The following PKIG variants were observed in gnomAD, a reference collection of about 807,000 sequenced individuals.
PKIG encodes cAMP-dependent protein kinase inhibitor gamma, also known as protein kinase (cAMP-dependent, catalytic) inhibitor gamma.
A neutral mutation model predicts 6.8 loss-of-function variants in PKIG; 1 was observed. That is an observed-to-expected ratio of 0.15 (90% CI 0.05 to 0.69). The LOEUF (loss-of-function observed/expected upper bound fraction) is 0.69. Ranked by LOEUF, PKIG falls within the 30% of genes least tolerant of loss-of-function variation. PKIG has a pLI of 0.82. For synonymous variants in PKIG, 39 were observed against 43.0 expected, an observed-to-expected ratio of 0.91 and a Z score of 0.36; for missense variants, 77 against 104.0, an observed-to-expected ratio of 0.74 and a Z score of 1.13.
At chr20:44,550,976 ATGTG>A (rs1199369237) in intron 1 of PKIG, among the ~76,000 whole-genome samples, 3 of 152,224 alleles carry the variant, frequency 2.0e-5, no homozygotes, top group Non-Finnish European at 4.4e-5. Flanking sequence ...GTTTATCTGC[ATGTG>A]TGTATTTCAA....
At chr20:44,561,887 T>A (rs931385716) in intron 1 of PKIG, among the ~76,000 whole-genome samples, 1 of 152,232 alleles carries the variant, frequency 6.6e-6, no homozygotes, top group East Asian at 1.9e-4. Flanking sequence ...GATTCAAAAG[T>A]GTATAGCCTT....
intron 1 of PKIG, among the ~76,000 whole-genome samples, chr20:44,585,660 T>A (rs575617940): frequency 2.6e-5 from 4 of 152,222 alleles, no homozygotes; most frequent in Non-Finnish European, 5.9e-5. Context: ...TCTCAGTTGC[T>A]CCATCTGTTA....
At chr20:44,608,504 T>C (rs1386008530) in intron 2 of PKIG, among the ~76,000 whole-genome samples, 1 of 152,210 alleles carries the variant, frequency 6.6e-6, no homozygotes, top group Non-Finnish European at 1.5e-5. Flanking sequence ...TTTCCTGCTA[T>C]TATAAATAAT....
chr20:44,568,312 A>C (rs1460953380), intron 1 of PKIG, among the ~76,000 whole-genome samples: 1 of 152,198 alleles, frequency 6.6e-6, no homozygotes, highest in Non-Finnish European at 1.5e-5. Flanking sequence ...ACTATTTTAT[A>C]GAAAAAATTT....
intron 1 of PKIG, among the ~76,000 whole-genome samples, chr20:44,564,642 C>T (rs2064795622): frequency 6.6e-6 from 1 of 152,172 alleles, no homozygotes. Context: ...CTCCTGGGCT[C>T]AAGCCTCCTG....
Position 44,614,865 on chromosome 20 carries a change from T to G in PKIG, c.151+158T>G. 42 of 713,480 alleles carry G rather than the reference T, an allele frequency of 5.9e-5. No homozygotes were observed. Among genetic ancestry groups the G allele is most frequent in the Non-Finnish European group, 7.7e-5 (34 of 440,290 alleles). The allele number at this position is 713,480 out of a possible 1,614,324, so 44.2% of individuals were successfully genotyped here. On this transcript the variant is annotated intron_variant, in intron 3 of 3. Transcript: ENST00000372886. This position sits in a 1 kb window ranked among gnomAD's most constrained non-coding sequence, Gnocchi z 4.6. Reference sequence around the variant, plus strand: ...GTCAGTGGCAGAGTCCAGCAATCTCTAGGTTGGAAGATGTTTGAGTCTCAG... The same window carrying G: ...GTCAGTGGCAGAGTCCAGCAATCTCGAGGTTGGAAGATGTTTGAGTCTCAG...
rs1555835144 is a variant in PKIG, at chr20:44,558,574, T to TCTTTTTTTCTTTC, written c.-240-24011_-240-24010insCTTTTTTTCTTTC. On this transcript the variant is annotated intron_variant, in intron 1 of 4. Coordinates refer to the PKIG transcript ENST00000372887. ...ATTTCTTTTTCTTTCTTTTTTTCTT[T>TCTTTTTTTCTTTC]TTTCTTTCTTTCTTTCTTTCTTTCT... Among the ~76,000 whole-genome samples the TCTTTTTTTCTTTC allele has an allele frequency of 1.9e-3, 247 of 132,002 alleles. 2 individuals are homozygous for TCTTTTTTTCTTTC. Among genetic ancestry groups the TCTTTTTTTCTTTC allele is most frequent in the African/African-American group, 7.4e-3 (240 of 32,426 alleles). The allele number at this position is 132,002 out of a possible 152,430, so 86.6% of individuals were successfully genotyped here.
chr20:44,616,832 G>T (rs956766736), intron 3 of PKIG, among the ~76,000 whole-genome samples: 1 of 152,164 alleles, frequency 6.6e-6, no homozygotes, highest in African/African-American at 2.4e-5. Context: ...AGTTCCAGGC[G>T]CCACCCCGCT....
Position 44,611,052 on chromosome 20 carries a change from C to CTT in PKIG, c.-23-3465_-23-3464dup, listed in dbSNP as rs537375490. On this transcript the variant is annotated intron_variant, in intron 2 of 3. Coordinates refer to ENST00000372886, the MANE Select transcript of PKIG (RefSeq NM_001281445.2). ...GTAGTTATTTTGTAATATAGAATGC[C>CTT]TTTTTTTTTTTTTTTTTTGAGACGG... is the stretch of plus-strand genomic sequence containing the variant. Among the ~76,000 whole-genome samples the CTT allele has an allele frequency of 6.3e-4, 84 of 132,866 alleles. 2 individuals carry two copies. The highest frequency in any genetic ancestry group is 1.3e-3 in the African/African-American group (45 of 34,870). 87.2% of individuals were successfully genotyped at this position (132,866 alleles called of 152,430 possible).
intron 1 of PKIG, among the ~76,000 whole-genome samples, chr20:44,552,999 T>C (rs1021306710): frequency 6.6e-6 from 1 of 152,136 alleles, no homozygotes; most frequent in South Asian, 2.1e-4. Context: ...CTGTTATTTG[T>C]GTATTTTTAG....
At chr20:44,574,268 C>G (rs1472199963) in intron 1 of PKIG, among the ~76,000 whole-genome samples, 1 of 152,192 alleles carries the variant, frequency 6.6e-6, no homozygotes, top group Non-Finnish European at 1.5e-5. Context: ...CTCCCAAGGG[C>G]ATACACTTTT....
At chr20:44,543,545 A>T (rs1226428627) in intron 1 of PKIG, among the ~76,000 whole-genome samples, 1 of 152,074 alleles carries the variant, frequency 6.6e-6, no homozygotes, top group East Asian at 1.9e-4. Context: ...TTCTGAGATG[A>T]CCTCTGCAAC....
In PKIG at chr20:44,614,568, C is replaced by T. The variant is rs769662900; in HGVS notation, c.12C>T (p.Val4=). 1.9e-6 allele frequency: 3 copies of T among 1,613,880 alleles called. No homozygotes were observed. The highest frequency in any genetic ancestry group is 2.2e-5 in the South Asian group (2 of 91,074). The change falls in exon 3 of 4, where the codon GTC becomes GTT. Residue 4 remains valine (V), a synonymous_variant. Coordinates refer to ENST00000372886, the MANE Select transcript of PKIG (RefSeq NM_001281445.2). This position sits in a 1 kb window ranked among gnomAD's most constrained non-coding sequence, Gnocchi z 4.6. Reference sequence around the variant, plus strand: ...GCGATGCGACAGGCATGATGGAGGTCGAGTCCTCCTACTCGGACTTCATCT... The same window carrying T: ...GCGATGCGACAGGCATGATGGAGGTTGAGTCCTCCTACTCGGACTTCATCT... The part of the protein sequence containing the change: MME[V]ESSYSDFISC...
intron 1 of PKIG, among the ~76,000 whole-genome samples, chr20:44,555,916 C>T (rs887588737): frequency 2.0e-5 from 3 of 152,212 alleles, no homozygotes; most frequent in Non-Finnish European, 2.9e-5. Flanking sequence ...TCTCTGCTCA[C>T]GGCAACTTCT....
intron 1 of PKIG, among the ~76,000 whole-genome samples, chr20:44,562,786 T>C (rs1450073221): frequency 6.6e-6 from 1 of 152,128 alleles, no homozygotes; most frequent in Non-Finnish European, 1.5e-5. Context: ...CATCTGGGCA[T>C]GGTGGCTCAC....
At chr20:44,559,975 G>A (rs2064751926) in intron 1 of PKIG, among the ~76,000 whole-genome samples, 1 of 151,806 alleles carries the variant, frequency 6.6e-6, no homozygotes, top group Non-Finnish European at 1.5e-5. Flanking sequence ...GGCTGAGGTG[G>A]GCGGATCACT....
chr20:44,607,318 T>A (rs995490557), intron 2 of PKIG, among the ~76,000 whole-genome samples: 2 of 150,884 alleles, frequency 1.3e-5, no homozygotes, highest in Non-Finnish European at 2.9e-5. Context: ...TTCCAAGGTG[T>A]GTGTGTGTGT....
At position 44,542,417 on chromosome 20, in the gene PKIG, A is replaced by G. The variant is rs562845067; in HGVS notation, c.-241+10439A>G. 1.5e-4 allele frequency among the ~76,000 whole-genome samples: 23 copies of G among 152,288 alleles called. No individual in the cohort carries two copies. The South Asian group carries it at 4.8e-3, about 32-fold the overall frequency. On this transcript the variant is annotated intron_variant, in intron 1 of 4. Coordinates refer to the PKIG transcript ENST00000372887. ...TAATCACCAGAATGAAACTTAAAAAAAAAAAGAAAAAGCTGATGGTTTAAT... is the reference window on the plus strand; with the variant it reads ...TAATCACCAGAATGAAACTTAAAAAGAAAAAGAAAAAGCTGATGGTTTAAT...
upstream of PKIG, among the ~76,000 whole-genome samples, chr20:44,580,264 G>A (rs1482384969): frequency 6.6e-6 from 1 of 152,108 alleles, no homozygotes; most frequent in Non-Finnish European, 1.5e-5. Flanking sequence ...GGGACCAGAA[G>A]GAAGCCCACA....
Sources: gnomAD v4.1 joint callset for allele counts (sites outside exome capture counted in the v4.1 genomes callset) on GRCh38, gnomAD v4.1.1 for gene constraint, Gnocchi (gnomAD v3.1) non-coding constraint, MANE v1.5 for transcripts, NCBI Gene and HGNC (gene_info 2026-07-23, HGNC 2026-07-21) for gene names.